The following ZC3H6 variants were observed in gnomAD, a reference collection of about 807,000 sequenced individuals.
ZC3H6 encodes zinc finger CCCH-type containing 6, also known as zinc finger CCCH domain-containing protein 6.
Under a neutral mutation model 107.7 loss-of-function variants are expected in ZC3H6, and 40 were observed. The ratio of observed to expected loss-of-function variants is 0.37; its 90% CI spans 0.29 to 0.48. The LOEUF is 0.48. Ranked by LOEUF, ZC3H6 falls within the 20% of genes least tolerant of loss-of-function variation. The probability of loss-of-function intolerance (pLI) is 0.98; values close to 1 mark genes in which losing one functional copy is unlikely to be tolerated. For synonymous variants in ZC3H6, 493 were observed against 487.9 expected (o/e 1.01, Z -0.14); for missense variants, 1,267 against 1,410.4 (o/e 0.90, Z 1.63).
At chr2:112,276,074 C>A in intron 1 of ZC3H6, 48 bp downstream of exon 1, 1 of 1,525,760 alleles carries the variant, frequency 6.6e-7, no homozygotes, top group Non-Finnish European at 8.8e-7. Flanking sequence ...GAGGAGGGGT[C>A]TGGGGCGGCG....
chr2:112,281,438 G>A (rs1279230587), intron 1 of ZC3H6, among the ~76,000 whole-genome samples: 3 of 152,108 alleles, frequency 2.0e-5, no homozygotes, highest in African/African-American at 2.4e-5. Context: ...TGAGTAGTAT[G>A]GTAAATGAGG....
chr2:112,303,216 C>G lies in ZC3H6; in HGVS notation c.214-13C>G. The G allele has an allele frequency of 6.3e-7, 1 of 1,592,746 alleles. No homozygotes were observed. The highest frequency in any genetic ancestry group is 1.2e-5 in the South Asian group (1 of 86,488). On this transcript the variant is annotated splice_polypyrimidine_tract_variant and intron_variant, in intron 2 of 11. Coordinates refer to ENST00000409871, the MANE Select transcript of ZC3H6 (RefSeq NM_198581.3). Reference sequence around the variant, plus strand: ...TTGCAAATGTAACATATTTGTCTTTCCCCTCCCTTCAGCATAATTCCCCAT... The same window carrying G: ...TTGCAAATGTAACATATTTGTCTTTGCCCTCCCTTCAGCATAATTCCCCAT...
rs901419293 is a variant in ZC3H6 at position 112,332,633 on chromosome 2, G to T, written c.*145G>T. 7.6e-6 allele frequency: 5 copies of T among 661,902 alleles called. No individual in the cohort carries two copies. The Admixed American group carries it at 1.0e-4, about 13-fold the overall frequency. The allele number at this position is 661,902 out of a possible 1,614,324, so 41.0% of individuals were successfully genotyped here. On this transcript the variant is annotated 3_prime_UTR_variant, in exon 12 of 12. Transcript: ENST00000409871. ...AGTATCAGAACCACATGAAGTTATA[G>T]CCTCTAAAGCCTGTGGTATTTTATA...
At position 112,332,264 on chromosome 2, in the gene ZC3H6, G is replaced by C. The variant is rs374247045; in HGVS notation, c.3346G>C (p.Asp1116His). Reference protein sequence around the residue: ...TLEGPADPQADVPRSSGKVQV... With the variant: ...TLEGPADPQAHVPRSSGKVQV... ...TGAGGGGCCAGCTGACCCACAGGCG[G>C]ACGTTCCCAGGAGTTCTGGTAAGGT... Residue 1116 changes from aspartate to histidine, a missense_variant, in exon 12 of 12, where the codon GAC (aspartate) becomes CAC (histidine). Transcript: ENST00000409871. The C allele has an allele frequency of 1.4e-5, 22 of 1,613,776 alleles. No individual in the cohort carries two copies. Among genetic ancestry groups the C allele is most frequent in the Non-Finnish European group, 1.8e-5 (21 of 1,179,850 alleles).
chr2:112,303,433 T>A, intron 3 of ZC3H6, 82 bp downstream of exon 3: 1 of 1,001,194 alleles, frequency 1.0e-6, no homozygotes, highest in Non-Finnish European at 1.5e-6. Flanking sequence ...TACAATTCAG[T>A]GATATTAAGT....
chr2:112,331,955 A>C lies in ZC3H6; in HGVS notation c.3037A>C (p.Thr1013Pro), dbSNP rs369883266. Residue 1013 changes from threonine (T) to proline (P), a missense_variant, in exon 12 of 12, where the codon ACT becomes CCT. Transcript: ENST00000409871. Reference sequence around the variant, plus strand: ...TTCATCACAGCCCTCAGGGGCAGGAACTAGCAATTCTGGTTCCGGGGCTCT... The same window carrying C: ...TTCATCACAGCCCTCAGGGGCAGGACCTAGCAATTCTGGTTCCGGGGCTCT... ...PGSSQPSGAG[T>P]SNSGSGALPP... is the part of the protein sequence containing the mutation. 6 of 1,613,886 alleles carry C rather than the reference A, an allele frequency of 3.7e-6. No individual in the cohort carries two copies. Among genetic ancestry groups the C allele is most frequent in the African/African-American group, 1.3e-5 (1 of 74,928 alleles).
chr2:112,292,860 C>T (rs1275852290), intron 1 of ZC3H6, among the ~76,000 whole-genome samples: 1 of 152,144 alleles, frequency 6.6e-6, no homozygotes, highest in Non-Finnish European at 1.5e-5. Context: ...AGATCAGTGT[C>T]CTCTCAGACA....
chr2:112,330,892 T>A, intron 11 of ZC3H6, 113 bp from the exon 12 acceptor site: 1 of 395,634 alleles, frequency 2.5e-6, no homozygotes, highest in Non-Finnish European at 3.8e-6. Flanking sequence ...TAATTAAGGC[T>A]ACATATAAAT....
intron 5 of ZC3H6, among the ~76,000 whole-genome samples, chr2:112,314,355 A>G (rs563746625): frequency 6.6e-6 from 1 of 152,282 alleles, no homozygotes; most frequent in African/African-American, 2.4e-5. Context: ...TAGATTTTCT[A>G]TAGTACCTTG....
intron 8 of ZC3H6, 71 bp from the exon 9 acceptor site, chr2:112,322,578 T>G (rs1676824615): frequency 6.8e-7 from 1 of 1,480,078 alleles, no homozygotes; most frequent in African/African-American, 1.4e-5. Flanking sequence ...CTAACCAAAC[T>G]TAAGTCTTCT....
intron 5 of ZC3H6, among the ~76,000 whole-genome samples, chr2:112,315,537 T>C (rs1573960318): frequency 6.6e-6 from 1 of 152,132 alleles, no homozygotes; most frequent in Non-Finnish European, 1.5e-5. Context: ...TTATTTATTA[T>C]TGTAGAATTG....
chr2:112,285,794 C>G (rs574188254), intron 1 of ZC3H6, among the ~76,000 whole-genome samples: 11 of 152,078 alleles, frequency 7.2e-5, no homozygotes, highest in African/African-American at 2.2e-4. Flanking sequence ...AACCCCATCT[C>G]TACTAAAAAT....
chr2:112,280,120 C>CA (rs35721612), intron 1 of ZC3H6, among the ~76,000 whole-genome samples: 77,415 of 151,810 alleles, frequency 0.51, 21,902 homozygotes, highest in East Asian at 0.76. Context: ...TTCAATTTTC[C>CA]TTCCCACTTA....
In ZC3H6 at chr2:112,331,273, C is replaced by T; in HGVS notation, c.2355C>T (p.Pro785=). The T allele has an allele frequency of 6.2e-7, 1 of 1,613,598 alleles. No homozygotes were observed. The highest frequency in any genetic ancestry group is 8.5e-7 in the Non-Finnish European group (1 of 1,179,860). The change falls in exon 12 of 12, where the codon CCC becomes CCT. Residue 785 remains proline (P), a synonymous_variant. Transcript: ENST00000409871. Reference sequence around the variant, plus strand: ...TGGATCTTAGACTTGCGTGGGATCCCAGGAAATTGAGAGGGAATGGAAGTG... The same window carrying T: ...TGGATCTTAGACTTGCGTGGGATCCTAGGAAATTGAGAGGGAATGGAAGTG... The part of the protein sequence containing the change: ...APLDLRLAWD[P]RKLRGNGSGH...
intron 7 of ZC3H6, among the ~76,000 whole-genome samples, chr2:112,317,789 G>T (rs1404020791): frequency 6.6e-6 from 1 of 151,968 alleles, no homozygotes; most frequent in Non-Finnish European, 1.5e-5. Flanking sequence ...TTGTATTCCT[G>T]CTCCTACCCA....
intron 5 of ZC3H6, among the ~76,000 whole-genome samples, chr2:112,313,592 G>T (rs1465423951): frequency 6.6e-6 from 1 of 152,088 alleles, no homozygotes; most frequent in Admixed American, 6.6e-5. Context: ...ATACCTAAAA[G>T]ATAATCATAT....
chr2:112,309,992 C>G lies in ZC3H6; in HGVS notation c.444C>G (p.Phe148Leu). The G allele has an allele frequency of 1.9e-6, 3 of 1,613,306 alleles. No homozygotes were observed. The highest frequency in any genetic ancestry group is 2.5e-6 in the Non-Finnish European group (3 of 1,179,636). Reference protein sequence around the residue: ...DEYSTYSDDNFGNYSDDNFGN... With the variant: ...DEYSTYSDDNLGNYSDDNFGN... ...ACAGCACCTACAGTGATGACAACTT[C>G]GGTAACTACAGTGATGACAACTTTG... Residue 148 changes from phenylalanine (F) to leucine (L), a missense_variant, in exon 4 of 12, where the codon TTC (phenylalanine) becomes TTG (leucine). Phe to Leu is a conservative substitution (Grantham distance 22). Around this residue, in one of 3 missense-constraint regions of ZC3H6, gnomAD observed 337 missense variants for 361.2 expected, o/e 0.93. Coordinates refer to ENST00000409871, the MANE Select transcript of ZC3H6 (RefSeq NM_198581.3).
At chr2:112,307,273 C>T (rs1440917202) in intron 3 of ZC3H6, among the ~76,000 whole-genome samples, 1 of 152,192 alleles carries the variant, frequency 6.6e-6, no homozygotes, top group Non-Finnish European at 1.5e-5. Flanking sequence ...AACCCCCCAG[C>T]AGTTAAATTA....
intron 1 of ZC3H6, among the ~76,000 whole-genome samples, chr2:112,278,133 T>C (rs533538166): frequency 1.3e-5 from 2 of 152,316 alleles, no homozygotes; most frequent in South Asian, 2.1e-4. Flanking sequence ...GTATTTTTCA[T>C]AGGCTCCCTG....
Sources: gnomAD v4.1 joint callset for allele counts (sites outside exome capture counted in the v4.1 genomes callset) on GRCh38, gnomAD v4.1.1 for gene constraint, gnomAD v4.1.1 regional missense constraint, MANE v1.5 for transcripts, NCBI Gene and HGNC (gene_info 2026-07-23, HGNC 2026-07-21) for gene names.